The following TLL1 variants were observed in gnomAD, a reference collection of about 807,000 sequenced individuals.
TLL1 encodes the protein tolloid-like protein 1.
TLL1 carries 49 observed loss-of-function variants against 128.2 expected under a neutral mutation model. The ratio of observed to expected loss-of-function variants is 0.38; its 90% CI spans 0.30 to 0.48. The LOEUF (loss-of-function observed/expected upper bound fraction) is 0.48, where lower values mean the gene tolerates loss of function less well. TLL1 is among the 20% of genes least tolerant of loss of function. TLL1 has a pLI of 0.96. For missense variants in TLL1, 1,123 were observed against 1,242.0 expected (o/e 0.90, Z 1.44); for synonymous variants, 454 against 418.8 (o/e 1.08, Z -1.03).
intron 1 of TLL1, among the ~76,000 whole-genome samples, chr4:165,945,157 G>A (rs903850760): frequency 3.3e-5 from 5 of 152,082 alleles, no homozygotes; most frequent in Admixed American, 2.0e-4. Context: ...TGTGAGGACC[G>A]AGAATGAGTG....
chr4:166,016,967 T>C (rs1389226914), intron 8 of TLL1, among the ~76,000 whole-genome samples: 2 of 152,096 alleles, frequency 1.3e-5, no homozygotes, highest in African/African-American at 2.4e-5. Flanking sequence ...AGTGGCTATA[T>C]GTGCAGGCTT....
rs139664575 is a variant in TLL1 at position 166,092,183 on chromosome 4, C to T, written c.2656+842C>T. On this transcript the variant is annotated intron_variant, in intron 19 of 20. Transcript: ENST00000061240. ...CAGTATAAAAACAATACAAATTCAT[C>T]CATGAAATAATTTTAGTGAAATTTT... Among the ~76,000 whole-genome samples the T allele has an allele frequency of 2.9e-3, 440 of 152,114 alleles. 2 individuals are homozygous for T. Among genetic ancestry groups the T allele is most frequent in the African/African-American group, 0.01 (422 of 41,540 alleles).
At chr4:165,915,083 C>A (rs978920066) in intron 1 of TLL1, among the ~76,000 whole-genome samples, 2 of 152,046 alleles carry the variant, frequency 1.3e-5, no homozygotes, top group Non-Finnish European at 2.9e-5. Flanking sequence ...TTTTATATTA[C>A]CTTTATCATA....
At chr4:166,098,421 A>G (rs543598980) in intron 19 of TLL1, among the ~76,000 whole-genome samples, 1 of 150,914 alleles carries the variant, frequency 6.6e-6, no homozygotes, top group African/African-American at 2.4e-5. Context: ...TCTCTAAATT[A>G]TACTAACTAA....
At chr4:165,914,999 C>T (rs937362486) in intron 1 of TLL1, among the ~76,000 whole-genome samples, 1 of 152,188 alleles carries the variant, frequency 6.6e-6, no homozygotes, top group East Asian at 1.9e-4. Flanking sequence ...GCTCATGGTT[C>T]AAACTCTTCC....
chr4:166,001,371 C>A (rs1359015824), intron 5 of TLL1, among the ~76,000 whole-genome samples: 11 of 152,118 alleles, frequency 7.2e-5, no homozygotes, highest in Admixed American at 7.2e-4. Context: ...AAGTGGGCAT[C>A]CTGTGTGCTC....
At chr4:166,067,005 A>G (rs946391891) in intron 16 of TLL1, among the ~76,000 whole-genome samples, 1 of 151,926 alleles carries the variant, frequency 6.6e-6, no homozygotes, top group Middle Eastern at 3.4e-3. Context: ...TCTTAAAGCT[A>G]TCTAAATATT....
Position 166,039,413 on chromosome 4 carries a change from C to G in TLL1, c.1233C>G (p.Asp411Glu). ...GGTATGACTATATTGAAGTAAGAGA[C>G]GGGTACTGGAGAAAATCACCTCTCC... ...LCWYDYIEVR[D>E]GYWRKSPLLG... Residue 411 changes from aspartate (D) to glutamate (E), a missense_variant, in exon 10 of 21, where the codon GAC (aspartate) becomes GAG (glutamate). Physicochemically the swap from Asp to Glu is conservative, Grantham distance 45. Coordinates refer to ENST00000061240, the MANE Select transcript of TLL1 (RefSeq NM_012464.5). 2 of 1,612,792 alleles carry G rather than the reference C, an allele frequency of 1.2e-6. No individual in the cohort carries two copies. Among genetic ancestry groups the G allele is most frequent in the Non-Finnish European group, 1.7e-6 (2 of 1,179,066 alleles).
At chr4:165,998,621 G>A (rs1199717787) in intron 5 of TLL1, among the ~76,000 whole-genome samples, 1 of 151,476 alleles carries the variant, frequency 6.6e-6, no homozygotes, top group East Asian at 1.9e-4. Flanking sequence ...GTGAAACCCC[G>A]TCTCTACTAA....
intron 9 of TLL1, among the ~76,000 whole-genome samples, chr4:166,027,179 G>A (rs913413730): frequency 1.3e-5 from 2 of 152,074 alleles, no homozygotes; most frequent in Non-Finnish European, 1.5e-5. Context: ...ATAAGTGGGA[G>A]CTAAACATTG....
intron 1 of TLL1, among the ~76,000 whole-genome samples, chr4:165,901,720 G>A (rs1035448608): frequency 6.6e-6 from 1 of 152,196 alleles, no homozygotes; most frequent in Non-Finnish European, 1.5e-5. Context: ...AGGCACAGTG[G>A]TCAGGGACCC....
At chr4:165,966,109 T>C (rs1579556159) in intron 1 of TLL1, among the ~76,000 whole-genome samples, 1 of 142,300 alleles carries the variant, frequency 7.0e-6, no homozygotes, top group Non-Finnish European at 1.5e-5. Context: ...ACCTGGGAGG[T>C]GGAGGTTGCA....
At chr4:165,887,754 G>T (rs1354177319) in intron 1 of TLL1, among the ~76,000 whole-genome samples, 1 of 152,100 alleles carries the variant, frequency 6.6e-6, no homozygotes, top group African/African-American at 2.4e-5. Context: ...ATTTTAAAGA[G>T]AATTGTTTTT....
intron 17 of TLL1, among the ~76,000 whole-genome samples, chr4:166,075,274 C>T (rs1262139660): frequency 1.3e-5 from 2 of 152,166 alleles, no homozygotes; most frequent in African/African-American, 4.8e-5. Flanking sequence ...ACCAAGTTCT[C>T]CCCAGGTCTT....
chr4:166,099,902 T>A (rs1445755479), intron 20 of TLL1, among the ~76,000 whole-genome samples: 1 of 151,952 alleles, frequency 6.6e-6, no homozygotes, highest in East Asian at 1.9e-4. Flanking sequence ...AGGAAAAAAA[T>A]AATATGCACA....
intron 8 of TLL1, among the ~76,000 whole-genome samples, chr4:166,018,187 C>T (rs555902357): frequency 1.6e-4 from 24 of 152,034 alleles, no homozygotes; most frequent in South Asian, 4.1e-4. Context: ...CAAAAACAAG[C>T]AATGGGGAAA....
chr4:165,999,402 T>A (rs1194011068), intron 5 of TLL1, among the ~76,000 whole-genome samples: 1 of 152,178 alleles, frequency 6.6e-6, no homozygotes, highest in African/African-American at 2.4e-5. Flanking sequence ...AGCAAGTACC[T>A]TCTCCACAAG....
chr4:166,026,932 T>C (rs535105192), intron 9 of TLL1, among the ~76,000 whole-genome samples: 2 of 152,272 alleles, frequency 1.3e-5, no homozygotes, highest in East Asian at 3.9e-4. Context: ...ACAACTCAGT[T>C]CTTATTCAAG....
At chr4:165,956,402 G>A (rs986589322) in intron 1 of TLL1, among the ~76,000 whole-genome samples, 12 of 152,100 alleles carry the variant, frequency 7.9e-5, no homozygotes, top group Middle Eastern at 3.4e-3. Context: ...CAGAGCGGCC[G>A]TTTATAGACC....
Sources: gnomAD v4.1 joint callset for allele counts (sites outside exome capture counted in the v4.1 genomes callset) on GRCh38, gnomAD v4.1.1 for gene constraint, MANE v1.5 for transcripts, NCBI Gene and HGNC (gene_info 2026-07-23, HGNC 2026-07-21) for gene names.